Variants in DIAPH2 observed in about 807,000 individuals in gnomAD.
The protein encoded by DIAPH2 is protein diaphanous homolog 2.
Under a neutral mutation model 92.7 loss-of-function variants are expected in DIAPH2, and 35 were observed. The ratio of observed to expected loss-of-function variants is 0.38; its 90% confidence interval spans 0.29 to 0.50. DIAPH2 has a LOEUF of 0.50. Ranked by LOEUF, DIAPH2 falls within the 20% of genes least tolerant of loss-of-function variation. DIAPH2 has a pLI of 0.94. For synonymous variants in DIAPH2, 301 were observed against 280.4 expected (o/e 1.07, Z -0.73); for missense variants, 701 against 819.5 (o/e 0.86, Z 1.77).
At chrX:97,294,152 CGTT>C (rs2068623657) in intron 23 of DIAPH2, among the ~76,000 whole-genome samples, 2 of 111,642 alleles carry the variant, frequency 1.8e-5, no homozygotes, top group African/African-American at 3.3e-5. Flanking sequence ...ACATGCCAGC[CGTT>C]GTTGTCCACC....
At chrX:97,208,844 C>T (rs1337875860) in intron 22 of DIAPH2, among the ~76,000 whole-genome samples, 1 of 110,516 alleles carries the variant, frequency 9.0e-6, no homozygotes, top group African/African-American at 3.3e-5. Flanking sequence ...ATCCCTCTCC[C>T]AGTAATGTAA....
chrX:97,515,101 C>G (rs1192707498), intron 26 of DIAPH2, among the ~76,000 whole-genome samples: 10 of 112,094 alleles, frequency 8.9e-5, no homozygotes, highest in Admixed American at 6.6e-4. Context: ...GGGCGCCCCT[C>G]CCCCAGCCTC....
intron 4 of DIAPH2, among the ~76,000 whole-genome samples, chrX:96,848,306 G>T (rs1048943821): frequency 3.6e-5 from 4 of 112,147 alleles, no homozygotes; most frequent in African/African-American, 1.3e-4. Flanking sequence ...CTCCCAAAGT[G>T]CTGGGATTAC....
intron 26 of DIAPH2, among the ~76,000 whole-genome samples, chrX:97,484,461 T>C (rs1411629233): frequency 1.8e-5 from 2 of 112,415 alleles, no homozygotes; most frequent in Non-Finnish European, 3.8e-5. Flanking sequence ...ACATAGTCAA[T>C]ATTATTGATA....
intron 17 of DIAPH2, among the ~76,000 whole-genome samples, chrX:97,005,013 G>A (rs765414295): frequency 7.5e-4 from 84 of 111,559 alleles, no homozygotes; most frequent in African/African-American, 2.6e-3. Context: ...TTATCATGAA[G>A]GGATGTTGAA....
At chrX:97,148,965 A>G (rs1262517062) in intron 22 of DIAPH2, among the ~76,000 whole-genome samples, 2 of 111,621 alleles carry the variant, frequency 1.8e-5, no homozygotes, top group Non-Finnish European at 3.8e-5. Context: ...CCAAACCACA[A>G]AGGTTTATGG....
intron 26 of DIAPH2, chrX:97,431,724 C>G (rs765918380): frequency 1.8e-5 from 2 of 112,269 alleles, no homozygotes; most frequent in East Asian, 5.6e-4. Context: ...AAACGAAACT[C>G]GAATGCAGAC....
chrX:96,744,892 T>C, intron 3 of DIAPH2, among the ~76,000 whole-genome samples: 1 of 111,776 alleles, frequency 8.9e-6, no homozygotes, highest in South Asian at 3.8e-4. Flanking sequence ...ATGGTAGCTT[T>C]ATTGTGCTGT....
intron 9 of DIAPH2, among the ~76,000 whole-genome samples, chrX:96,928,519 T>A (rs1006448687): frequency 1.9e-4 from 21 of 111,551 alleles, no homozygotes; most frequent in African/African-American, 6.5e-4. Context: ...GCAGCACTTG[T>A]GTAACGGCAT....
At position 96,960,043 on chromosome X, in the gene DIAPH2, A is replaced by T. The variant is rs181251747; in HGVS notation, c.1935+1895A>T. Among the ~76,000 whole-genome samples the T allele has an allele frequency of 5.4e-5, 6 of 110,805 alleles. No individual in the cohort carries two copies. The Admixed American group carries it at 5.7e-4, about 11-fold the overall frequency. The stretch of plus-strand genomic sequence containing the variant: ...AGCCTTGTAGTATATTTTGAAGTCA[A>T]TGTCCTGCTTTGATCTTTTTGCTCA... On this transcript the variant is annotated intron_variant, in intron 16 of 26. Coordinates refer to ENST00000324765, the MANE Select transcript of DIAPH2 (RefSeq NM_006729.5).
intron 22 of DIAPH2, among the ~76,000 whole-genome samples, chrX:97,225,518 CT>C (rs767126355): frequency 8.1e-5 from 9 of 111,576 alleles, no homozygotes; most frequent in Non-Finnish European, 1.7e-4. Context: ...TAACTGACCT[CT>C]TTGATTAATT....
chrX:96,836,766 C>T (rs1335113149), intron 4 of DIAPH2, among the ~76,000 whole-genome samples: 2 of 70,909 alleles, frequency 2.8e-5, no homozygotes, highest in Non-Finnish European at 4.9e-5. Flanking sequence ...CTCGCTCTGT[C>T]GCCCAGGCTG....
chrX:96,763,984 T>A (rs868228528), intron 4 of DIAPH2, among the ~76,000 whole-genome samples: 79 of 109,207 alleles, frequency 7.2e-4, no homozygotes, highest in Middle Eastern at 4.6e-3. Context: ...TTTTTTTTTT[T>A]AAATTCACGA....
chrX:97,268,090 A>G lies in DIAPH2; in HGVS notation c.2844+20251A>G, dbSNP rs1005742140. Among the ~76,000 whole-genome samples the G allele has an allele frequency of 4.5e-5, 5 of 112,133 alleles. No individual in the cohort carries two copies. In the South Asian group the frequency reaches 1.9e-3, roughly 42 times the overall value. On this transcript the variant is annotated intron_variant, in intron 23 of 26. Coordinates refer to ENST00000324765, the MANE Select transcript of DIAPH2 (RefSeq NM_006729.5). Reference sequence around the variant, plus strand: ...CTGTTGGGCCTGGCAATTTACCATAATCAAAGAGCTAGAGCAGAAAATATG... The same window carrying G: ...CTGTTGGGCCTGGCAATTTACCATAGTCAAAGAGCTAGAGCAGAAAATATG...
chrX:97,375,108 CTG>C (rs1378706440), intron 24 of DIAPH2, among the ~76,000 whole-genome samples: 1 of 111,918 alleles, frequency 8.9e-6, no homozygotes, highest in Non-Finnish European at 1.9e-5. Context: ...ACATTGGGAT[CTG>C]TGTTTCCTAT....
At chrX:97,177,952 T>G (rs1484916963) in intron 22 of DIAPH2, among the ~76,000 whole-genome samples, 1 of 111,611 alleles carries the variant, frequency 9.0e-6, no homozygotes, top group African/African-American at 3.3e-5. Flanking sequence ...TTTGCCCCTG[T>G]AATCCCAGCA....
At chrX:97,570,123 T>TA (rs1569426253) in intron 26 of DIAPH2, among the ~76,000 whole-genome samples, 5 of 18,533 alleles carry the variant, frequency 2.7e-4, no homozygotes, top group African/African-American at 6.6e-4. Context: ...TATATATATA[T>TA]TAGAAGATAG....
intron 1 of DIAPH2, among the ~76,000 whole-genome samples, chrX:96,688,722 A>C (rs2063784153): frequency 8.9e-6 from 1 of 112,284 alleles, no homozygotes; most frequent in South Asian, 3.6e-4. Flanking sequence ...GCTAGGCATA[A>C]TTCTAAGGGT....
intron 22 of DIAPH2, among the ~76,000 whole-genome samples, chrX:97,185,480 T>TAC (rs2067592131): frequency 3.3e-4 from 2 of 6,063 alleles, no homozygotes; most frequent in Non-Finnish European, 1.0e-3. Flanking sequence ...TACACATATA[T>TAC]ATATATATAT....
Sources: allele counts gnomAD v4.1 joint callset (sites outside exome capture counted in the v4.1 genomes callset), GRCh38; gene constraint gnomAD v4.1.1; transcripts MANE v1.5; gene names NCBI Gene and HGNC (gene_info 2026-07-23, HGNC 2026-07-21).